Variants in HYAL4 observed in about 807,000 individuals in gnomAD.
HYAL4 encodes hyaluronidase-4.
Under a neutral mutation model 35.2 loss-of-function variants are expected in HYAL4, and 37 were observed. The observed-to-expected ratio is 1.05, with a 90% CI of 0.81 to 1.38. HYAL4 has a LOEUF of 1.38. Among genes scored for constraint, HYAL4 ranks in the 40% most tolerant of loss-of-function variants. The probability of loss-of-function intolerance (pLI) is 0.00; values close to 1 mark genes in which losing one functional copy is unlikely to be tolerated. For synonymous variants in HYAL4, 198 were observed against 203.2 expected (o/e 0.97, Z 0.22); for missense variants, 572 against 572.4 (o/e 1.00, Z 0.01).
chr7:123,866,037 C>A (rs530772147), intron 2 of HYAL4, among the ~76,000 whole-genome samples: 1 of 152,244 alleles, frequency 6.6e-6, no homozygotes, highest in South Asian at 2.1e-4. Flanking sequence ...GGAAATCTCG[C>A]CCTTGTGATA....
the HYAL4 span, among the ~76,000 whole-genome samples, chr7:123,769,668 G>C: frequency 4.6e-5 from 7 of 152,166 alleles, no homozygotes; most frequent in African/African-American, 1.7e-4. Context: ...GGAGGATCTT[G>C]GTGATGCATC....
the HYAL4 span, among the ~76,000 whole-genome samples, chr7:123,815,241 A>G: frequency 1.3e-5 from 2 of 152,192 alleles, no homozygotes; most frequent in South Asian, 2.1e-4. Context: ...CTTTTGGATA[A>G]TGATTCTTAC....
chr7:123,827,601 T>G (rs145792857), upstream of HYAL4, among the ~76,000 whole-genome samples: 186 of 152,296 alleles, frequency 1.2e-3, 1 homozygote, highest in Non-Finnish European at 2.3e-3. Context: ...CTAAACATAG[T>G]ATGAGACTGC....
chr7:123,812,195 C>T, the HYAL4 span, among the ~76,000 whole-genome samples: 2 of 152,106 alleles, frequency 1.3e-5, no homozygotes, highest in African/African-American at 4.8e-5. Context: ...CACTGCTTCA[C>T]TAGACCTGGC....
the HYAL4 span, among the ~76,000 whole-genome samples, chr7:123,810,065 A>C: frequency 1.3e-5 from 2 of 152,246 alleles, no homozygotes; most frequent in Non-Finnish European, 2.9e-5. Flanking sequence ...TTCTGGATTA[A>C]ATCTGATGGA....
At chr7:123,770,446 A>C in the HYAL4 span, among the ~76,000 whole-genome samples, 1 of 149,392 alleles carries the variant, frequency 6.7e-6, no homozygotes, top group African/African-American at 2.6e-5. Flanking sequence ...CATCTAAAAA[A>C]AAAAAAAAAA....
upstream of HYAL4, among the ~76,000 whole-genome samples, chr7:123,824,959 C>T (rs1335624419): frequency 2.6e-5 from 4 of 152,098 alleles, no homozygotes; most frequent in Admixed American, 2.0e-4. Context: ...GGTTCTAGGA[C>T]AGTGCTCTCT....
At chr7:123,827,640 A>G (rs1406011068), upstream of HYAL4, among the ~76,000 whole-genome samples, 1 of 152,126 alleles carries the variant, frequency 6.6e-6, no homozygotes, top group African/African-American at 2.4e-5. Context: ...GTAACAAATA[A>G]TATTGCTTAC....
At chr7:123,810,625 G>C in the HYAL4 span, among the ~76,000 whole-genome samples, 1 of 152,162 alleles carries the variant, frequency 6.6e-6, no homozygotes, top group South Asian at 2.1e-4. Flanking sequence ...TGTCCCACCA[G>C]AGTGGTACAT....
the HYAL4 span, among the ~76,000 whole-genome samples, chr7:123,772,543 G>C: frequency 9.2e-5 from 14 of 152,150 alleles, no homozygotes; most frequent in African/African-American, 3.4e-4. Flanking sequence ...AATTTCAAAC[G>C]TGGAGACTAA....
At chr7:123,797,937 A>G in the HYAL4 span, among the ~76,000 whole-genome samples, 19 of 152,250 alleles carry the variant, frequency 1.2e-4, no homozygotes, top group Non-Finnish European at 2.6e-4. Context: ...TATGGCAATA[A>G]TAATAATTTT....
At chr7:123,823,208 T>C in the HYAL4 span, among the ~76,000 whole-genome samples, 1 of 152,196 alleles carries the variant, frequency 6.6e-6, no homozygotes, top group Non-Finnish European at 1.5e-5. Context: ...AGTAAGATGA[T>C]CATAGGATTT....
the HYAL4 span, among the ~76,000 whole-genome samples, chr7:123,792,008 T>C: frequency 1.3e-5 from 2 of 152,170 alleles, no homozygotes; most frequent in Non-Finnish European, 2.9e-5. Context: ...TTCATCTTCT[T>C]TGGGACAGTC....
chr7:123,799,914 C>A, the HYAL4 span, among the ~76,000 whole-genome samples: 2 of 151,652 alleles, frequency 1.3e-5, no homozygotes, highest in African/African-American at 2.4e-5. Context: ...TAATCCCAGC[C>A]CTTTTGGAGG....
At chr7:123,857,681 C>CTTTGTTTGTTTG (rs760557077) in intron 2 of HYAL4, among the ~76,000 whole-genome samples, 2,180 of 102,112 alleles carry the variant, frequency 0.021, 38 homozygotes, top group Middle Eastern at 0.06. Flanking sequence ...TTCTTTCTTT[C>CTTTGTTTGTTTG]TTTCTTTCTT....
chr7:123,778,596 G>C, the HYAL4 span, among the ~76,000 whole-genome samples: 1 of 151,662 alleles, frequency 6.6e-6, no homozygotes, highest in African/African-American at 2.4e-5. Flanking sequence ...CTAGTGATGA[G>C]ATGCAGGTTA....
At chr7:123,783,789 T>C in the HYAL4 span, among the ~76,000 whole-genome samples, 1 of 152,224 alleles carries the variant, frequency 6.6e-6, no homozygotes, top group Non-Finnish European at 1.5e-5. Flanking sequence ...TTTTAATGAC[T>C]AGACTTTATG....
At chr7:123,847,472 A>T (rs940067042) in intron 1 of HYAL4, among the ~76,000 whole-genome samples, 3 of 152,066 alleles carry the variant, frequency 2.0e-5, no homozygotes, top group Non-Finnish European at 4.4e-5. Context: ...ATTAGGATCT[A>T]TTTTTTTAAT....
upstream of HYAL4, among the ~76,000 whole-genome samples, chr7:123,840,906 C>A (rs1325818110): frequency 2.0e-5 from 3 of 151,988 alleles, no homozygotes; most frequent in African/African-American, 7.2e-5. Context: ...ATGGGGTTTT[C>A]TAAATATACA....
Sources: allele counts gnomAD v4.1 joint callset (sites outside exome capture counted in the v4.1 genomes callset), GRCh38; gene constraint gnomAD v4.1.1; transcripts MANE v1.5; gene names NCBI Gene and HGNC (gene_info 2026-07-23, HGNC 2026-07-21).